The following CALD1 variants were observed in gnomAD, a reference collection of about 807,000 sequenced individuals.
CALD1 encodes the protein caldesmon 1.
A neutral mutation model predicts 99.9 loss-of-function variants in CALD1; 33 were observed. The observed-to-expected ratio is 0.33, with a 90% confidence interval of 0.25 to 0.44. CALD1 has a LOEUF of 0.44. Among genes scored for constraint, CALD1 ranks in the 20% least tolerant of loss-of-function variants. The pLI, the probability that CALD1 is intolerant of heterozygous loss-of-function variation, is 1.00. For synonymous variants in CALD1, 310 were observed against 325.0 expected, an observed-to-expected ratio of 0.95 and a Z score of 0.50; for missense variants, 861 against 962.1, an observed-to-expected ratio of 0.89 and a Z score of 1.39.
intron 1 of CALD1, among the ~76,000 whole-genome samples, chr7:134,820,945 A>G (rs907821255): frequency 6.6e-6 from 1 of 151,908 alleles, no homozygotes. Context: ...CACAGTAAAC[A>G]GTGAAGGAGA....
chr7:134,720,886 G>T, the CALD1 span, among the ~76,000 whole-genome samples: 2 of 152,192 alleles, frequency 1.3e-5, no homozygotes, highest in Non-Finnish European at 2.9e-5. Flanking sequence ...TTTACATTTT[G>T]TACAAATGTG....
intron 1 of CALD1, among the ~76,000 whole-genome samples, chr7:134,769,104 TAG>T (rs1796855269): frequency 6.6e-6 from 1 of 150,996 alleles, no homozygotes; most frequent in African/African-American, 2.4e-5. Context: ...TTTATATAAT[TAG>T]ATATTTAGCT....
chr7:134,725,189 C>T, the CALD1 span, among the ~76,000 whole-genome samples: 1 of 152,166 alleles, frequency 6.6e-6, no homozygotes, highest in Non-Finnish European at 1.5e-5. Flanking sequence ...ATGTGGACAG[C>T]CCAGACTAGC....
At chr7:134,960,444 T>C in intron 12 of CALD1, 89 bp from the exon 13 acceptor site, 4 of 800,042 alleles carry the variant, frequency 5.0e-6, no homozygotes, top group Middle Eastern at 2.4e-4. Flanking sequence ...GAAATCATAC[T>C]TAATGATATT....
At chr7:134,864,235 T>G (rs993462414) in intron 2 of CALD1, among the ~76,000 whole-genome samples, 1 of 151,268 alleles carries the variant, frequency 6.6e-6, no homozygotes, top group African/African-American at 2.4e-5. Context: ...TAATCCCAGG[T>G]ACTCAGGAGG....
intron 1 of CALD1, among the ~76,000 whole-genome samples, chr7:134,772,743 G>A (rs754641417): frequency 2.6e-5 from 4 of 151,922 alleles, no homozygotes; most frequent in Non-Finnish European, 4.4e-5. Flanking sequence ...TATTTTCTGT[G>A]TACTTATTGC....
At chr7:134,963,751 T>C (rs1808454762) in intron 13 of CALD1, among the ~76,000 whole-genome samples, 1 of 152,174 alleles carries the variant, frequency 6.6e-6, no homozygotes, top group Non-Finnish European at 1.5e-5. Flanking sequence ...TTTCCACATG[T>C]TCTTACACAT....
At chr7:134,729,896 C>A in the CALD1 span, among the ~76,000 whole-genome samples, 12 of 152,122 alleles carry the variant, frequency 7.9e-5, no homozygotes, top group African/African-American at 2.9e-4. Context: ...CTGCTGGGGT[C>A]AAATCTAGAC....
chr7:134,748,012 C>A (rs552212735), intron 1 of CALD1, among the ~76,000 whole-genome samples: 120 of 152,378 alleles, frequency 7.9e-4, no homozygotes, highest in African/African-American at 2.8e-3. Flanking sequence ...CTGTCCAAGG[C>A]CATGAAGGCA....
At chr7:134,851,636 G>A (rs573960441) in intron 2 of CALD1, among the ~76,000 whole-genome samples, 2 of 152,138 alleles carry the variant, frequency 1.3e-5, no homozygotes, top group Non-Finnish European at 2.9e-5. Context: ...ATAGGCAAGG[G>A]TTTCTAGTCC....
chr7:134,765,442 C>T (rs1796817134), intron 1 of CALD1, among the ~76,000 whole-genome samples: 1 of 152,036 alleles, frequency 6.6e-6, no homozygotes, highest in South Asian at 2.1e-4. Flanking sequence ...ATAGGAATGA[C>T]CTCTTCCTCC....
chr7:134,736,175 G>T, the CALD1 span, among the ~76,000 whole-genome samples: 2 of 152,106 alleles, frequency 1.3e-5, no homozygotes, highest in South Asian at 2.1e-4. Flanking sequence ...GTTCCTTTCT[G>T]CTTCAAAACT....
rs1482065204 is a variant in CALD1 at position 134,968,502 on chromosome 7, T to A, written c.*157T>A. The A allele has an allele frequency of 1.1e-5, 8 of 732,714 alleles. No homozygotes were observed. Among genetic ancestry groups the A allele is most frequent in the Non-Finnish European group, 2.0e-5 (8 of 400,612 alleles). The allele number at this position is 732,714 out of a possible 1,614,324, so 45.4% of individuals were successfully genotyped here. On this transcript the variant is annotated 3_prime_UTR_variant, in exon 15 of 15. Transcript: ENST00000361675. ...AAACCCATGTATATTATCACTATAT[T>A]TAATAATCACAGTCTAGAGATGTTC... is the stretch of plus-strand genomic sequence containing the variant.
At chr7:134,755,056 A>T (rs563315554) in intron 1 of CALD1, among the ~76,000 whole-genome samples, 3 of 152,228 alleles carry the variant, frequency 2.0e-5, no homozygotes, top group South Asian at 2.1e-4. Context: ...GCTGGAGTGC[A>T]GTGGCCCAAT....
chr7:134,787,351 A>G (rs1330677220), intron 1 of CALD1, among the ~76,000 whole-genome samples: 3 of 152,172 alleles, frequency 2.0e-5, no homozygotes, highest in Admixed American at 2.0e-4. Context: ...TTACTAAGGG[A>G]AATTTAGGCT....
the CALD1 span, among the ~76,000 whole-genome samples, chr7:134,721,329 C>A: frequency 6.7e-3 from 826 of 122,998 alleles, no homozygotes; most frequent in African/African-American, 9.8e-3. Flanking sequence ...AAGTCATCTG[C>A]AAAAAAAAAA....
rs564751190 is a variant in CALD1, at chr7:134,874,160, ATTTTCTTT to A, written c.71+6377_71+6384del. 1.4e-3 allele frequency among the ~76,000 whole-genome samples: 213 copies of A among 151,404 alleles called. 2 individuals are homozygous for A. The highest frequency in any genetic ancestry group is 5.3e-3 in the East Asian group (27 of 5,132). On this transcript the variant is annotated intron_variant, in intron 3 of 14. Coordinates refer to ENST00000361675, the MANE Select transcript of CALD1 (RefSeq NM_033138.4). ...CCGAAAGAATGTTGAGCTGTGGTGT[ATTTTCTTT>A]TTTTCTTTTTTTCTTTTTTTTTGTT...
intron 2 of CALD1, among the ~76,000 whole-genome samples, chr7:134,864,347 C>CAA (rs71172479): frequency 0.17 from 21,072 of 126,544 alleles, 2,565 homozygotes; most frequent in African/African-American, 0.35. Context: ...AACTCCATCT[C>CAA]AAAAAAAAAA....
chr7:134,883,440 G>A (rs925448272), intron 3 of CALD1, among the ~76,000 whole-genome samples: 16 of 151,598 alleles, frequency 1.1e-4, no homozygotes, highest in Non-Finnish European at 1.5e-4. Context: ...ATGGCTTCTG[G>A]CTTTTAAATG....
Sources: allele counts gnomAD v4.1 joint callset (sites outside exome capture counted in the v4.1 genomes callset), GRCh38; gene constraint gnomAD v4.1.1; transcripts MANE v1.5; gene names NCBI Gene and HGNC (gene_info 2026-07-23, HGNC 2026-07-21).